The following RPS6KC1 variants were observed in gnomAD, a reference collection of about 807,000 sequenced individuals.
RPS6KC1 encodes ribosomal protein S6 kinase C1.
Under a neutral mutation model 103.8 loss-of-function variants are expected in RPS6KC1, and 54 were observed. The ratio of observed to expected loss-of-function variants is 0.52; its 90% CI spans 0.42 to 0.65. RPS6KC1 has a LOEUF of 0.65. Among genes scored for constraint, RPS6KC1 ranks in the 30% least tolerant of loss-of-function variants. The pLI, the probability that RPS6KC1 is intolerant of heterozygous loss-of-function variation, is 0.00. For missense variants in RPS6KC1, 1,151 were observed against 1,253.8 expected, an observed-to-expected ratio of 0.92 and a Z score of 1.24; for synonymous variants, 439 against 438.7, an observed-to-expected ratio of 1.00 and a Z score of -0.01.
At chr1:213,197,893 T>TA (rs1456719676) in intron 8 of RPS6KC1, among the ~76,000 whole-genome samples, 1 of 152,202 alleles carries the variant, frequency 6.6e-6, no homozygotes, top group Non-Finnish European at 1.5e-5. Flanking sequence ...GGTGGATTTT[T>TA]ATTCATTCTG....
the RPS6KC1 span, among the ~76,000 whole-genome samples, chr1:213,466,013 G>C: frequency 1.6e-4 from 24 of 152,148 alleles, no homozygotes; most frequent in East Asian, 2.3e-3. Context: ...TCAGGCTTTG[G>C]GGGGCAGAAT....
At chr1:213,516,227 C>A in the RPS6KC1 span, among the ~76,000 whole-genome samples, 1 of 152,126 alleles carries the variant, frequency 6.6e-6, no homozygotes, top group African/African-American at 2.4e-5. Flanking sequence ...TTATTTCCTT[C>A]TCCTGCCTGA....
At chr1:213,302,708 ATCTG>A in the RPS6KC1 span, among the ~76,000 whole-genome samples, 1 of 152,158 alleles carries the variant, frequency 6.6e-6, no homozygotes, top group African/African-American at 2.4e-5. Flanking sequence ...GGCAACCCCT[ATCTG>A]TCCTAGTGGC....
the RPS6KC1 span, among the ~76,000 whole-genome samples, chr1:213,401,972 A>G: frequency 6.6e-6 from 1 of 151,940 alleles, no homozygotes; most frequent in Non-Finnish European, 1.5e-5. Context: ...TTATTTTGTA[A>G]AGATGAGATC....
At chr1:213,087,178 T>C (rs1480361247) in intron 3 of RPS6KC1, among the ~76,000 whole-genome samples, 12 of 152,212 alleles carry the variant, frequency 7.9e-5, no homozygotes, top group Admixed American at 7.8e-4. Context: ...TCAATGAAGT[T>C]GAATTATTAT....
chr1:213,732,365 G>GTGTA, the RPS6KC1 span, among the ~76,000 whole-genome samples: 187 of 151,982 alleles, frequency 1.2e-3, 1 homozygote, highest in African/African-American at 4.3e-3. Context: ...GTGTGCGTGT[G>GTGTA]TGTGTGTGTG....
At chr1:213,246,690 CT>C (rs2094459388) in intron 12 of RPS6KC1, among the ~76,000 whole-genome samples, 3 of 151,738 alleles carry the variant, frequency 2.0e-5, no homozygotes, top group African/African-American at 4.8e-5. Context: ...TTTTTTACTA[CT>C]TTTTTTCTTG....
chr1:213,646,358 C>T, the RPS6KC1 span, among the ~76,000 whole-genome samples: 4 of 152,142 alleles, frequency 2.6e-5, no homozygotes, highest in Admixed American at 2.6e-4. Flanking sequence ...AGTCTAGAGA[C>T]AGGAGTGTGG....
Position 213,069,141 on chromosome 1 carries a change from G to C in RPS6KC1, c.106-1865G>C, listed in dbSNP as rs12124953. On this transcript the variant is annotated intron_variant, in intron 1 of 14. Coordinates refer to ENST00000366960, the MANE Select transcript of RPS6KC1 (RefSeq NM_012424.6). ...AAAGTAGCCATATTTCAGTGGCTCA[G>C]TAGCCACACACATGTGGCTAGTGGT... Among the ~76,000 whole-genome samples, 1,376 of 152,226 alleles carry C rather than the reference G, an allele frequency of 9.0e-3. 10 individuals carry two copies. Among genetic ancestry groups the C allele is most frequent in the Non-Finnish European group, 0.013 (873 of 67,984 alleles).
At chr1:213,372,505 C>G in the RPS6KC1 span, among the ~76,000 whole-genome samples, 1 of 152,194 alleles carries the variant, frequency 6.6e-6, no homozygotes, top group Non-Finnish European at 1.5e-5. Flanking sequence ...TGCCCGTCTA[C>G]CCTAGCTTTT....
At chr1:213,085,495 C>A (rs1225873008) in intron 3 of RPS6KC1, among the ~76,000 whole-genome samples, 1 of 151,874 alleles carries the variant, frequency 6.6e-6, no homozygotes, top group African/African-American at 2.4e-5. Flanking sequence ...TAATAAGTAA[C>A]CTTTGGGTAG....
chr1:213,854,576 C>T, the RPS6KC1 span, among the ~76,000 whole-genome samples: 32 of 138,256 alleles, frequency 2.3e-4, no homozygotes, highest in Admixed American at 6.0e-4. Flanking sequence ...CTCTCTCTCT[C>T]TCTTTCTTTC....
intron 1 of RPS6KC1, among the ~76,000 whole-genome samples, chr1:213,057,413 T>C (rs61834083): frequency 0.034 from 5,191 of 152,272 alleles, 122 homozygotes; most frequent in Middle Eastern, 0.054. Flanking sequence ...AATCTTAACA[T>C]GAGTATAAAT....
At chr1:213,463,212 A>G in the RPS6KC1 span, among the ~76,000 whole-genome samples, 1 of 152,136 alleles carries the variant, frequency 6.6e-6, no homozygotes, top group Non-Finnish European at 1.5e-5. Flanking sequence ...TCAATGTTGA[A>G]AATTTGGAGT....
intron 6 of RPS6KC1, among the ~76,000 whole-genome samples, chr1:213,149,213 G>GT (rs766423680): frequency 3.3e-5 from 5 of 151,610 alleles, no homozygotes; most frequent in Admixed American, 6.6e-5. Context: ...TTTTGGGTTC[G>GT]GTTTGCTCTT....
intron 8 of RPS6KC1, among the ~76,000 whole-genome samples, chr1:213,194,952 C>CA (rs1449089395): frequency 2.0e-5 from 3 of 151,930 alleles, no homozygotes; most frequent in African/African-American, 7.3e-5. Context: ...CTTAAAATGA[C>CA]AAAATTATGG....
intron 3 of RPS6KC1, among the ~76,000 whole-genome samples, chr1:213,090,856 A>G (rs2080895164): frequency 6.6e-6 from 1 of 152,238 alleles, no homozygotes; most frequent in African/African-American, 2.4e-5. Flanking sequence ...GTTTTTATGA[A>G]AAATGATTCT....
chr1:213,144,286 A>AT (rs1166352814), intron 6 of RPS6KC1, among the ~76,000 whole-genome samples: 1 of 151,848 alleles, frequency 6.6e-6, no homozygotes, highest in Non-Finnish European at 1.5e-5. Context: ...TTAGTTTTTT[A>AT]TTTTTTAGAG....
the RPS6KC1 span, among the ~76,000 whole-genome samples, chr1:213,696,347 A>C: frequency 6.6e-6 from 1 of 151,822 alleles, no homozygotes; most frequent in Non-Finnish European, 1.5e-5. Flanking sequence ...TAAAAACACA[A>C]AAAAATTAGC....
Sources: allele counts gnomAD v4.1 joint callset (sites outside exome capture counted in the v4.1 genomes callset), GRCh38; gene constraint gnomAD v4.1.1; transcripts MANE v1.5; gene names NCBI Gene and HGNC (gene_info 2026-07-23, HGNC 2026-07-21).